GCG: variants seen among roughly 807,000 people sequenced by gnomAD.
The protein encoded by GCG is pro-glucagon.
Under a neutral mutation model 22.8 loss-of-function variants are expected in GCG, and 11 were observed. The ratio of observed to expected loss-of-function variants is 0.48; its 90% CI spans 0.30 to 0.80. The LOEUF is 0.80. Among genes scored for constraint, GCG ranks in the 30% least tolerant of loss-of-function variants. The probability of loss-of-function intolerance (pLI) is 0.06; values close to 1 mark genes in which losing one functional copy is unlikely to be tolerated. For missense variants in GCG, 222 were observed against 222.0 expected, an observed-to-expected ratio of 1.00 and a Z score of 0.00; for synonymous variants, 89 against 72.4, an observed-to-expected ratio of 1.23 and a Z score of -1.16.
chr2:162,149,584 T>A lies in GCG; in HGVS notation c.-9-397A>T, dbSNP rs1051094917. ...TTATCCATCATGCCACCCCCCTCAC[T>A]ATCAGTCTGGCTTTCAATTAATAGT... On this transcript the variant is annotated intron_variant, in intron 1 of 5. Coordinates refer to ENST00000418842, the MANE Select transcript of GCG (RefSeq NM_002054.5). Among the ~76,000 whole-genome samples, 3 of 152,284 alleles carry A rather than the reference T, an allele frequency of 2.0e-5. No homozygotes were observed. In the East Asian group the frequency reaches 5.8e-4, roughly 29 times the overall value.
At chr2:162,149,307 T>G (rs573624066) in intron 1 of GCG, 120 bp from the exon 2 acceptor site, 1 of 621,838 alleles carries the variant, frequency 1.6e-6, no homozygotes, top group East Asian at 2.7e-5. Flanking sequence ...AAAGCTAGTG[T>G]TATCACTTTT....
chr2:162,149,290 G>T, intron 1 of GCG, 103 bp from the exon 2 acceptor site: 1 of 659,640 alleles, frequency 1.5e-6, no homozygotes, highest in East Asian at 2.6e-5. Flanking sequence ...ATCATAAGTA[G>T]AAGGAAAAAG....
Position 162,142,965 on chromosome 2 carries a change from C to T in GCG, c.*399G>A, listed in dbSNP as rs1221485847. On this transcript the variant is annotated 3_prime_UTR_variant, in exon 6 of 6. Transcript: ENST00000418842. ...AGACAAAGGTTTCAGGAAGAAAGTT[C>T]TCTTTCCAATTTCACCACTGTGGCT... is the stretch of plus-strand genomic sequence containing the variant. 6.3e-6 allele frequency: 1 copy of T among 159,172 alleles called. No homozygotes were observed. The highest frequency in any genetic ancestry group is 2.4e-5 in the African/African-American group (1 of 41,854). The allele number at this position is 159,172 out of a possible 1,614,324, so 9.9% of individuals were successfully genotyped here. A position where few individuals can be genotyped will look rare whatever the true frequency, so the allele number is the denominator to read the frequency against.
At chr2:162,149,003 T>G (rs1009680553) in intron 2 of GCG, 84 bp downstream of exon 2, 19 of 790,980 alleles carry the variant, frequency 2.4e-5, no homozygotes, top group Middle Eastern at 4.7e-4. Context: ...TCTAAATTAC[T>G]GAGACCTTAT....
intron 2 of GCG, among the ~76,000 whole-genome samples, 186 bp downstream of exon 2, chr2:162,148,901 A>G (rs1305897170): frequency 7.2e-6 from 1 of 137,942 alleles, no homozygotes; most frequent in East Asian, 2.2e-4. Context: ...CCCTTTTATT[A>G]TAAAAAACAC....
chr2:162,144,818 A>G (rs1312778710), intron 4 of GCG: 2 of 152,056 alleles, frequency 1.3e-5, no homozygotes, highest in African/African-American at 2.4e-5. Flanking sequence ...CTCATATTTC[A>G]TCTCTCCAAA....
Position 162,145,531 on chromosome 2 carries a change from C to T in GCG, c.392+9G>A, listed in dbSNP as rs1327143156. On this transcript the variant is annotated intron_variant, in intron 4 of 5. Transcript: ENST00000418842. ...GCAAAAAATGTCAAATAAGAATGTA[C>T]AGACTTACTCTCGCCTTCCTCGGCC... 3 of 1,598,352 alleles carry T rather than the reference C, an allele frequency of 1.9e-6. No homozygotes were observed. The highest frequency in any genetic ancestry group is 2.7e-5 in the African/African-American group (2 of 74,066).
rs5651 is a variant in GCG, at chr2:162,143,754, T to A, written c.536+273A>T. 2.0e-3 allele frequency: 945 copies of A among 481,522 alleles called. 10 individuals are homozygous for A. Among genetic ancestry groups the A allele is most frequent in the African/African-American group, 0.016 (824 of 51,890 alleles). 29.8% of individuals were successfully genotyped at this position (481,522 alleles called of 1,614,324 possible). On this transcript the variant is annotated intron_variant, in intron 5 of 5. Transcript: ENST00000418842. ...GACAATATGTGAATGATGTAACATT[T>A]CCCATGTTTCATTTCTATCTGTGTT...
In GCG at chr2:162,143,361, T is replaced by C. The variant is rs983317050; in HGVS notation, c.*3A>G. On this transcript the variant is annotated 3_prime_UTR_variant, in exon 6 of 6. Coordinates refer to ENST00000418842, the MANE Select transcript of GCG (RefSeq NM_002054.5). Reference sequence around the variant, plus strand: ...GTGAAGATGATCTTGAATAGTGATATAGTTATTTCCTAGAGATTAAAAAAA... The same window carrying C: ...GTGAAGATGATCTTGAATAGTGATACAGTTATTTCCTAGAGATTAAAAAAA... The C allele has an allele frequency of 2.3e-5, 28 of 1,222,676 alleles. No individual in the cohort carries two copies. The East Asian group carries it at 6.7e-4, about 29-fold the overall frequency. 75.7% of individuals were successfully genotyped at this position (1,222,676 alleles called of 1,614,324 possible). A position where few individuals can be genotyped will look rare whatever the true frequency, so the allele number is the denominator to read the frequency against.
rs1459676661 is a variant in GCG, at chr2:162,143,146, A to G, written c.*218T>C. 1.0e-5 allele frequency: 4 copies of G among 397,412 alleles called. No individual in the cohort carries two copies. The highest frequency in any genetic ancestry group is 1.4e-5 in the Non-Finnish European group (3 of 216,350). 24.6% of individuals were successfully genotyped at this position (397,412 alleles called of 1,614,324 possible). A position where few individuals can be genotyped will look rare whatever the true frequency, so the allele number is the denominator to read the frequency against. On this transcript the variant is annotated 3_prime_UTR_variant, in exon 6 of 6. Transcript: ENST00000418842. ...TAAGAAGAAAATAACAGAATCTAGCACTTTCATATTTTAAAGCTGATATTT... is the reference window on the plus strand; with the variant it reads ...TAAGAAGAAAATAACAGAATCTAGCGCTTTCATATTTTAAAGCTGATATTT...
chr2:162,143,399 A>G (rs1475478055), intron 5 of GCG, 29 bp from the exon 6 acceptor site: 1 of 844,802 alleles, frequency 1.2e-6, no homozygotes, highest in South Asian at 1.7e-5. Flanking sequence ...AAATGATTTA[A>G]CATAATTATA....
rs77608104 is a variant in GCG at position 162,147,705 on chromosome 2, C to T, written c.93-191G>A. 79 of 664,304 alleles carry T rather than the reference C, an allele frequency of 1.2e-4. 1 individual carries two copies. In the Middle Eastern group the frequency reaches 3.9e-3, roughly 33 times the overall value. The allele number at this position is 664,304 out of a possible 1,614,324, so 41.2% of individuals were successfully genotyped here. On this transcript the variant is annotated intron_variant, in intron 2 of 5. Coordinates refer to ENST00000418842, the MANE Select transcript of GCG (RefSeq NM_002054.5). Reference sequence around the variant, plus strand: ...CCCTTCGTTTTAGTATAGTTGCATACGCTATTATTCTGAATTCTAGAAACA... The same window carrying T: ...CCCTTCGTTTTAGTATAGTTGCATATGCTATTATTCTGAATTCTAGAAACA...
intron 4 of GCG, 42 bp from the exon 5 acceptor site, chr2:162,144,212 T>G (rs1686625210): frequency 6.8e-7 from 1 of 1,460,202 alleles, no homozygotes. Context: ...ATTAGATATT[T>G]TCAATAAATG....
intron 5 of GCG, 73 bp from the exon 6 acceptor site, chr2:162,143,443 T>A (rs1363628973): frequency 8.2e-6 from 5 of 610,620 alleles, no homozygotes; most frequent in Non-Finnish European, 1.4e-5. Context: ...CCAGAAAATA[T>A]TTCAATGATT....
chr2:162,144,118 C>G lies in GCG; in HGVS notation c.445G>C (p.Gly149Arg), dbSNP rs752628508. The change falls in exon 5 of 6, where the codon GGT (glycine) becomes CGT (arginine). Residue 149 changes from glycine (G) to arginine (R), a missense_variant. Transcript: ENST00000418842. ...GTGTTCATCTCATCAGAGAAAGAAC[C>G]ATCAGCATGTCTGCGGCCAAGTTCT... ...VEELGRRHAD[G>R]SFSDEMNTIL... 1.2e-6 allele frequency: 2 copies of G among 1,611,638 alleles called. No homozygotes were observed. The highest frequency in any genetic ancestry group is 3.3e-5 in the Admixed American group (2 of 59,958).
At position 162,147,724 on chromosome 2, in the gene GCG, A is replaced by G. The variant is rs1022040358; in HGVS notation, c.93-210T>C. On this transcript the variant is annotated intron_variant, in intron 2 of 5. Transcript: ENST00000418842. ...TGCATACGCTATTATTCTGAATTCT[A>G]GAAACATGTTTCTCAACTGACTTCT... 5 of 604,270 alleles carry G rather than the reference A, an allele frequency of 8.3e-6. No individual in the cohort carries two copies. The South Asian group carries it at 8.9e-5, about 11-fold the overall frequency. 37.4% of individuals were successfully genotyped at this position (604,270 alleles called of 1,614,324 possible).
At chr2:162,146,259 A>G (rs1290726582) in intron 3 of GCG, among the ~76,000 whole-genome samples, 2 of 152,094 alleles carry the variant, frequency 1.3e-5, no homozygotes, top group African/African-American at 4.8e-5. Flanking sequence ...GGCACATATT[A>G]CCCCATATCA....
At position 162,146,987 on chromosome 2, in the gene GCG, C is replaced by T. The variant is rs755799251; in HGVS notation, c.254+366G>A. On this transcript the variant is annotated intron_variant, in intron 3 of 5. Transcript: ENST00000418842. ...ATTTTAATGTTGGGTTTGAACCCCA[C>T]GAAAGAATGTTATATTTGCTCTATC... is the stretch of plus-strand genomic sequence containing the variant. Among the ~76,000 whole-genome samples the T allele has an allele frequency of 1.9e-4, 29 of 152,168 alleles. 1 individual carries two copies. Among genetic ancestry groups the T allele is most frequent in the East Asian group, 9.7e-4 (5 of 5,170 alleles).
intron 1 of GCG, among the ~76,000 whole-genome samples, chr2:162,150,109 G>A (rs987194316): frequency 1.3e-5 from 2 of 152,108 alleles, no homozygotes; most frequent in Non-Finnish European, 2.9e-5. Flanking sequence ...CAGTGTCGAC[G>A]GGGACTGGGA....
Sources: gnomAD v4.1 joint callset for allele counts (sites outside exome capture counted in the v4.1 genomes callset) on GRCh38, gnomAD v4.1.1 for gene constraint, MANE v1.5 for transcripts, NCBI Gene and HGNC (gene_info 2026-07-23, HGNC 2026-07-21) for gene names.